TANC2: variants seen among roughly 807,000 people sequenced by gnomAD.
The protein encoded by TANC2 is protein TANC2.
Under a neutral mutation model 210.5 loss-of-function variants are expected in TANC2, and 26 were observed. The ratio of observed to expected loss-of-function variants is 0.12; its 90% CI spans 0.09 to 0.17. TANC2 has a LOEUF of 0.17. Ranked by LOEUF, TANC2 falls within the 10% of genes least tolerant of loss-of-function variation. The pLI is 1.00. For synonymous variants in TANC2, 931 were observed against 967.1 expected, an observed-to-expected ratio of 0.96 and a Z score of 0.69; for missense variants, 2,129 against 2,608.9, an observed-to-expected ratio of 0.82 and a Z score of 4.01.
At chr17:63,161,763 A>G (rs931093610) in intron 5 of TANC2, among the ~76,000 whole-genome samples, 1 of 152,138 alleles carries the variant, frequency 6.6e-6, no homozygotes, top group Non-Finnish European at 1.5e-5. Flanking sequence ...TGCTGTCATC[A>G]CCAGATTTAC....
At chr17:63,142,690 G>C (rs2039329353) in intron 4 of TANC2, among the ~76,000 whole-genome samples, 1 of 152,120 alleles carries the variant, frequency 6.6e-6, no homozygotes, top group Admixed American at 6.5e-5. Flanking sequence ...CATAAGCTGT[G>C]AGCATGTTTT....
chr17:63,093,748 A>G (rs2037287617), intron 3 of TANC2, among the ~76,000 whole-genome samples: 1 of 152,156 alleles, frequency 6.6e-6, no homozygotes. Flanking sequence ...ATCCATAAAC[A>G]TGGTACATTG....
intron 19 of TANC2, chr17:63,399,199 G>C (rs2048265054): frequency 5.1e-6 from 1 of 198,014 alleles, no homozygotes; most frequent in African/African-American, 2.3e-5. Context: ...CTTACAATGT[G>C]CCAAACCAGA....
chr17:63,411,498 C>A lies in TANC2; in HGVS notation c.3590-13C>A. On this transcript the variant is annotated splice_polypyrimidine_tract_variant and intron_variant, in intron 21 of 27. Coordinates refer to ENST00000689528, the Ensembl canonical transcript of TANC2. ...ATGTCTCCTCAGCCCTGTGCTATCA[C>A]TTGCCTTTGCAGGTGCCTCCATTGC... 1 of 1,602,748 alleles carries A rather than the reference C, an allele frequency of 6.2e-7. No homozygotes were observed. The highest frequency in any genetic ancestry group is 1.1e-5 in the South Asian group (1 of 88,560).
intron 15 of TANC2, among the ~76,000 whole-genome samples, chr17:63,382,564 T>A (rs1414221009): frequency 6.6e-6 from 1 of 152,254 alleles, no homozygotes; most frequent in East Asian, 1.9e-4. Flanking sequence ...TCAAATATTA[T>A]CTACCAGATT....
At chr17:63,204,298 T>A (rs1288600766) in intron 7 of TANC2, among the ~76,000 whole-genome samples, 6 of 149,446 alleles carry the variant, frequency 4.0e-5, no homozygotes, top group Admixed American at 3.3e-4. Context: ...AAAAAAAAAA[T>A]TCTACATTGA....
At chr17:63,399,078 TTCAA>T in intron 19 of TANC2, 164 bp downstream of exon 19, 1 of 454,444 alleles carries the variant, frequency 2.2e-6, no homozygotes, top group East Asian at 3.5e-5. Flanking sequence ...GTTTTCCTCT[TTCAA>T]TCCTCTTTGC....
chr17:62,970,880 T>C (rs945095287), intron 1 of TANC2, among the ~76,000 whole-genome samples: 4 of 152,220 alleles, frequency 2.6e-5, no homozygotes, highest in African/African-American at 7.2e-5. Context: ...TGTTTACTCT[T>C]CTAGTACTAG....
intron 13 of TANC2, among the ~76,000 whole-genome samples, chr17:63,354,033 G>A (rs1191110555): frequency 1.3e-5 from 2 of 152,124 alleles, no homozygotes; most frequent in Non-Finnish European, 2.9e-5. Context: ...GGTAGTAGCT[G>A]GAAGGAAGAA....
At chr17:63,124,272 A>C (rs1236110698) in intron 4 of TANC2, among the ~76,000 whole-genome samples, 1 of 152,132 alleles carries the variant, frequency 6.6e-6, no homozygotes, top group Non-Finnish European at 1.5e-5. Context: ...TAAGAAATAC[A>C]ACCTAAGGGA....
chr17:63,134,116 G>A (rs1455860226), intron 4 of TANC2, among the ~76,000 whole-genome samples: 3 of 152,068 alleles, frequency 2.0e-5, no homozygotes, highest in African/African-American at 7.2e-5. Context: ...CTATTAAATA[G>A]CAGTTATCCT....
chr17:62,979,579 C>T (rs1333627261), intron 1 of TANC2, among the ~76,000 whole-genome samples: 1 of 152,060 alleles, frequency 6.6e-6, no homozygotes. Flanking sequence ...TTTAAATTTA[C>T]AGAGCTTTCT....
intron 2 of TANC2, among the ~76,000 whole-genome samples, chr17:63,030,902 A>G (rs1188847972): frequency 1.3e-5 from 2 of 152,228 alleles, no homozygotes; most frequent in Admixed American, 6.6e-5. Flanking sequence ...AAATTTGCCT[A>G]AGATAGGAAA....
intron 8 of TANC2, among the ~76,000 whole-genome samples, chr17:63,250,651 G>GCACATT (rs2043032684): frequency 2.6e-5 from 4 of 152,032 alleles, no homozygotes; most frequent in Non-Finnish European, 4.4e-5. Context: ...ATATAATAAT[G>GCACATT]GTTATTCGTT....
intron 4 of TANC2, among the ~76,000 whole-genome samples, chr17:63,114,192 A>G (rs1301448249): frequency 1.3e-5 from 2 of 152,210 alleles, no homozygotes; most frequent in Non-Finnish European, 2.9e-5. Context: ...GTAGCATCAC[A>G]CATTTGGGAT....
intron 5 of TANC2, among the ~76,000 whole-genome samples, chr17:63,174,520 C>T (rs1337242248): frequency 6.6e-6 from 1 of 152,162 alleles, no homozygotes; most frequent in African/African-American, 2.4e-5. Flanking sequence ...TTTAAGAAAC[C>T]TGATGCTAGA....
intron 2 of TANC2, among the ~76,000 whole-genome samples, chr17:63,013,197 C>G (rs1301956279): frequency 6.6e-6 from 1 of 151,932 alleles, no homozygotes; most frequent in Non-Finnish European, 1.5e-5. Flanking sequence ...CTTAGCCACC[C>G]GAGGAGCTGG....
At chr17:63,169,042 A>AGAAAG (rs1325953250) in intron 5 of TANC2, among the ~76,000 whole-genome samples, 1 of 152,242 alleles carries the variant, frequency 6.6e-6, no homozygotes, top group Admixed American at 6.5e-5. Flanking sequence ...TGGAAAGGAA[A>AGAAAG]GAAAGGAGAG....
intron 8 of TANC2, among the ~76,000 whole-genome samples, chr17:63,243,632 T>C (rs541421508): frequency 2.6e-5 from 4 of 152,316 alleles, no homozygotes; most frequent in African/African-American, 9.6e-5. Flanking sequence ...AGAAACAAAA[T>C]GATCACACTT....
Sources: allele counts gnomAD v4.1 joint callset (sites outside exome capture counted in the v4.1 genomes callset), GRCh38; gene constraint gnomAD v4.1.1; transcripts MANE v1.5; gene names NCBI Gene and HGNC (gene_info 2026-07-23, HGNC 2026-07-21).